ADPRHL1: variants seen among roughly 807,000 people sequenced by gnomAD.
ADPRHL1 encodes the protein inactive ADP-ribosyltransferase ARH2.
Under a neutral mutation model 44.1 loss-of-function variants are expected in ADPRHL1, and 43 were observed. That is an observed-to-expected ratio of 0.98 (90% CI 0.76 to 1.26). The LOEUF is 1.26. ADPRHL1 is among the 50% of genes most tolerant of loss of function. ADPRHL1 has a pLI of 0.00. For synonymous variants in ADPRHL1, 878 were observed against 1,017.4 expected, an observed-to-expected ratio of 0.86 and a Z score of 2.61; for missense variants, 2,022 against 2,496.9, an observed-to-expected ratio of 0.81 and a Z score of 4.05.
At position 113,403,091 on chromosome 13, in the gene ADPRHL1, A is replaced by T; in HGVS notation, c.*287T>A. 4.0e-6 allele frequency: 1 copy of T among 249,130 alleles called. No individual in the cohort carries two copies. Among genetic ancestry groups the T allele is most frequent in the African/African-American group, 2.5e-5 (1 of 40,046 alleles). The allele number at this position is 249,130 out of a possible 1,614,324, so 15.4% of individuals were successfully genotyped here. ...CTGCAGGCTGTGTGAGAGAGGGGTG[A>T]GCCGGCGCCCCCGAGTGAAGACACA... On this transcript the variant is annotated 3_prime_UTR_variant, in exon 8 of 8. Transcript: ENST00000612156.
chr13:113,416,158 A>AT (rs2043886573), intron 7 of ADPRHL1, among the ~76,000 whole-genome samples: 1 of 151,482 alleles, frequency 6.6e-6, no homozygotes, highest in Non-Finnish European at 1.5e-5. Flanking sequence ...CTCCCTGTTG[A>AT]TTTTTTGTAA....
At chr13:113,430,791 G>A (rs544477371) in intron 3 of ADPRHL1, among the ~76,000 whole-genome samples, 2 of 152,216 alleles carry the variant, frequency 1.3e-5, no homozygotes, top group East Asian at 1.9e-4. Context: ...TGTTGCTAGC[G>A]ACAGCAGCAG....
intron 2 of ADPRHL1, among the ~76,000 whole-genome samples, chr13:113,443,585 C>T (rs565689050): frequency 2.0e-5 from 3 of 152,082 alleles, no homozygotes; most frequent in South Asian, 4.2e-4. Context: ...CACCACTGCA[C>T]TCCAGCCTGG....
intron 2 of ADPRHL1, among the ~76,000 whole-genome samples, chr13:113,442,218 G>C (rs2139646477): frequency 6.6e-6 from 1 of 152,336 alleles, no homozygotes; most frequent in East Asian, 1.9e-4. Flanking sequence ...ATTTTGGGAG[G>C]CTAAGGCAGA....
chr13:113,449,482 G>A (rs56233929), intron 1 of ADPRHL1, among the ~76,000 whole-genome samples: 10 of 144,242 alleles, frequency 6.9e-5, no homozygotes, highest in Non-Finnish European at 1.1e-4. Context: ...GAGGCAGCCC[G>A]GTTCAGAGAG....
chr13:113,438,792 G>A (rs1375771681), intron 2 of ADPRHL1, among the ~76,000 whole-genome samples: 1 of 152,134 alleles, frequency 6.6e-6, no homozygotes, highest in Non-Finnish European at 1.5e-5. Flanking sequence ...CCAACGTGCT[G>A]GGATTATAGG....
chr13:113,452,661 G>C (rs1036085700), intron 1 of ADPRHL1, among the ~76,000 whole-genome samples: 5 of 152,146 alleles, frequency 3.3e-5, no homozygotes, highest in Admixed American at 1.3e-4. Flanking sequence ...CATTTTCTTA[G>C]AACACATTTG....
rs938445302 is a variant in ADPRHL1, at chr13:113,441,834, C to T, written c.379+2591G>A. Among the ~76,000 whole-genome samples the T allele has an allele frequency of 2.0e-5, 3 of 151,842 alleles. No homozygotes were observed. The highest frequency in any genetic ancestry group is 2.1e-4 in the South Asian group (1 of 4,810). Reference sequence around the variant, plus strand: ...ACCACACGGGTCCGTGTCTCTGTCACGTTGTGTCCCGCCGCGTGGGTCCGT... The same window carrying T: ...ACCACACGGGTCCGTGTCTCTGTCATGTTGTGTCCCGCCGCGTGGGTCCGT... On this transcript the variant is annotated intron_variant, in intron 2 of 7. Coordinates refer to ENST00000612156, the MANE Select transcript of ADPRHL1 (RefSeq NM_001394807.1). This position sits in a 1 kb window ranked among gnomAD's most constrained non-coding sequence, Gnocchi z 6.0.
At chr13:113,431,778 T>A (rs959822192) in intron 3 of ADPRHL1, among the ~76,000 whole-genome samples, 18 of 151,058 alleles carry the variant, frequency 1.2e-4, no homozygotes, top group African/African-American at 4.1e-4. Context: ...TGCAGTGGTG[T>A]GATCTCAGCT....
In ADPRHL1 at chr13:113,453,154, T is replaced by C; in HGVS notation, c.214+70A>G. 1.3e-6 allele frequency: 2 copies of C among 1,559,760 alleles called. No individual in the cohort carries two copies. Among genetic ancestry groups the C allele is most frequent in the Non-Finnish European group, 1.8e-6 (2 of 1,135,184 alleles). On this transcript the variant is annotated intron_variant, in intron 1 of 7. Coordinates refer to ENST00000612156, the MANE Select transcript of ADPRHL1 (RefSeq NM_001394807.1). This position sits in a 1 kb window ranked among gnomAD's most constrained non-coding sequence, Gnocchi z 5.4. ...CACTGCCTTCAAAGCTCTCGGAGGCTTACTGGGAGAACTCGAGCAGCCAGT... is the reference window on the plus strand; with the variant it reads ...CACTGCCTTCAAAGCTCTCGGAGGCCTACTGGGAGAACTCGAGCAGCCAGT...
At chr13:113,424,807 C>CCCATTCATCCATCCACCCATCCATTCAT (rs2043954936) in intron 5 of ADPRHL1, among the ~76,000 whole-genome samples, 1 of 4,766 alleles carries the variant, frequency 2.1e-4, no homozygotes, top group Non-Finnish European at 4.3e-4. Context: ...CACCCACCCA[C>CCCATTCATCCATCCACCCATCCATTCAT]CCATGCACCC....
In ADPRHL1 at chr13:113,404,437, C is replaced by T; in HGVS notation, c.4845G>A (p.Gln1615=). 3.0e-6 allele frequency: 4 copies of T among 1,323,452 alleles called. No homozygotes were observed. The highest frequency in any genetic ancestry group is 2.3e-5 in the South Asian group (1 of 43,412). The allele number at this position is 1,323,452 out of a possible 1,614,324, so 82.0% of individuals were successfully genotyped here. The change falls in exon 8 of 8, where the codon CAG becomes CAA. Residue 1615 remains glutamine, a synonymous_variant. Coordinates refer to ENST00000612156, the MANE Select transcript of ADPRHL1 (RefSeq NM_001394807.1). ...QKWAQEEAQG[Q]AQWQTQIKAQ... ...CCTTTATCTGGGTCTGCCACTGGGC[C>T]TGTCCCTGAGCCTCTTCCTGGGCCC...
chr13:113,419,365 C>T (rs1012047625), intron 7 of ADPRHL1, among the ~76,000 whole-genome samples: 18 of 150,760 alleles, frequency 1.2e-4, no homozygotes, highest in Non-Finnish European at 2.1e-4. Flanking sequence ...GATCCTCCCG[C>T]CTCAGCCTCC....
chr13:113,409,194 G>T lies in ADPRHL1; in HGVS notation c.1062-974C>A. 1 of 659,102 alleles carries T rather than the reference G, an allele frequency of 1.5e-6. No homozygotes were observed. Among genetic ancestry groups the T allele is most frequent in the Non-Finnish European group, 1.9e-6 (1 of 531,938 alleles). 40.8% of individuals were successfully genotyped at this position (659,102 alleles called of 1,614,324 possible). On this transcript the variant is annotated intron_variant, in intron 7 of 7. Transcript: ENST00000612156. The surrounding 1 kb of genome is among the most constrained non-coding windows in gnomAD (Gnocchi z 4.2). The stretch of plus-strand genomic sequence containing the variant: ...GACAGGGTCTTTGTGATTTGATGGT[G>T]TTTTCTGAGCCTGGGTCCGGGGTAA...
chr13:113,433,016 G>A (rs1421136656), intron 3 of ADPRHL1, among the ~76,000 whole-genome samples: 2 of 152,218 alleles, frequency 1.3e-5, no homozygotes, highest in East Asian at 1.9e-4. Context: ...GACGGGCTGC[G>A]GACGGGGACA....
chr13:113,421,272 G>A (rs1178356703), intron 7 of ADPRHL1, among the ~76,000 whole-genome samples: 1 of 9,912 alleles, frequency 1.0e-4, no homozygotes, highest in Non-Finnish European at 1.9e-4. Context: ...CGCCCACCCC[G>A]GGACACCTCT....
chr13:113,412,357 T>TTA (rs2043858318), intron 7 of ADPRHL1, among the ~76,000 whole-genome samples: 1 of 152,166 alleles, frequency 6.6e-6, no homozygotes, highest in Non-Finnish European at 1.5e-5. Flanking sequence ...TTTTGTATTT[T>TTA]TTAGTAGAGA....
intron 7 of ADPRHL1, among the ~76,000 whole-genome samples, chr13:113,408,495 C>G (rs2043825735): frequency 6.6e-6 from 1 of 152,178 alleles, no homozygotes; most frequent in East Asian, 1.9e-4. Flanking sequence ...GAGGAGTTGA[C>G]ATTGAACAGT....
chr13:113,452,024 A>G (rs1161728711), intron 1 of ADPRHL1, among the ~76,000 whole-genome samples: 1 of 152,176 alleles, frequency 6.6e-6, no homozygotes, highest in East Asian at 1.9e-4. Context: ...CAGAGCTGGT[A>G]TGAGCGCACA....
Sources: allele counts gnomAD v4.1 joint callset (sites outside exome capture counted in the v4.1 genomes callset), GRCh38; gene constraint gnomAD v4.1.1; non-coding constraint Gnocchi (gnomAD v3.1); transcripts MANE v1.5; gene names NCBI Gene and HGNC (gene_info 2026-07-23, HGNC 2026-07-21).